Variants in CNTN1 observed in about 807,000 individuals in gnomAD.
CNTN1 encodes contactin-1.
A neutral mutation model predicts 126.4 loss-of-function variants in CNTN1; 38 were observed. The observed-to-expected ratio is 0.30, with a 90% CI of 0.23 to 0.39. The LOEUF (loss-of-function observed/expected upper bound fraction) is 0.39, where lower values mean the gene tolerates loss of function less well. Ranked by LOEUF, CNTN1 falls within the 10% of genes least tolerant of loss-of-function variation. CNTN1 has a pLI of 1.00. For missense variants in CNTN1, 1,009 were observed against 1,248.4 expected (o/e 0.81, Z 2.89); for synonymous variants, 413 against 422.6 (o/e 0.98, Z 0.28).
chr12:40,773,720 T>C lies in CNTN1; in HGVS notation c.-77+81128T>C, dbSNP rs145796053. Among the ~76,000 whole-genome samples the C allele has an allele frequency of 8.9e-4, 123 of 138,960 alleles. 1 individual carries two copies. The East Asian group carries it at 0.019, about 22-fold the overall frequency. 91.2% of individuals were successfully genotyped at this position (138,960 alleles called of 152,430 possible). Reference sequence around the variant, plus strand: ...ACATATATATATATATATATACACATATATATATATATGTTGCTATTCTAA... The same window carrying C: ...ACATATATATATATATATATACACACATATATATATATGTTGCTATTCTAA... On this transcript the variant is annotated intron_variant, in intron 1 of 23. Transcript: ENST00000551295.
At chr12:40,852,311 TTTC>T (rs1344667068) in intron 1 of CNTN1, among the ~76,000 whole-genome samples, 1 of 152,224 alleles carries the variant, frequency 6.6e-6, no homozygotes, top group Admixed American at 6.5e-5. Context: ...GAAAGCCATT[TTTC>T]TTCTTATTTT....
chr12:40,953,391 G>A (rs985101195), intron 14 of CNTN1, among the ~76,000 whole-genome samples: 1 of 152,078 alleles, frequency 6.6e-6, no homozygotes, highest in Admixed American at 6.6e-5. Flanking sequence ...TGCTTTGTAA[G>A]CGTTCTGCCA....
At chr12:41,061,613 A>G in intron 23 of CNTN1, 2 of 310,698 alleles carry the variant, frequency 6.4e-6, no homozygotes, top group South Asian at 5.4e-5. Flanking sequence ...TGATTAGCAT[A>G]AATAAGGGAA....
At chr12:40,950,100 GTGTGTGTGT>G (rs1566019876) in intron 14 of CNTN1, among the ~76,000 whole-genome samples, 12 of 7,614 alleles carry the variant, frequency 1.6e-3, no homozygotes, top group African/African-American at 4.1e-3. Context: ...TTGAGAGGGT[GTGTGTGTGT>G]GTGTGTGTGT....
chr12:40,913,404 T>G (rs983730572), intron 3 of CNTN1, among the ~76,000 whole-genome samples: 2 of 152,166 alleles, frequency 1.3e-5, no homozygotes, highest in South Asian at 2.1e-4. Context: ...CTTACACCAC[T>G]CCCCACCCAA....
intron 1 of CNTN1, among the ~76,000 whole-genome samples, chr12:40,872,349 ATATCAAG>A (rs1030437595): frequency 8.6e-5 from 13 of 151,962 alleles, no homozygotes; most frequent in African/African-American, 3.1e-4. Flanking sequence ...TAACAAATCA[ATATCAAG>A]TATCAAAATC....
intron 23 of CNTN1, among the ~76,000 whole-genome samples, chr12:41,064,129 G>A (rs1041787475): frequency 2.0e-5 from 3 of 150,274 alleles, no homozygotes; most frequent in African/African-American, 7.4e-5. Flanking sequence ...AGCCGAGATC[G>A]CGCCACTGCA....
intron 3 of CNTN1, among the ~76,000 whole-genome samples, chr12:40,913,392 A>C (rs1235990090): frequency 1.3e-5 from 2 of 152,144 alleles, no homozygotes; most frequent in Admixed American, 6.5e-5. Flanking sequence ...GTTTCAAGAG[A>C]GCTTACACCA....
chr12:40,807,037 A>G (rs1189836140), intron 1 of CNTN1, among the ~76,000 whole-genome samples: 1 of 152,132 alleles, frequency 6.6e-6, no homozygotes, highest in African/African-American at 2.4e-5. Flanking sequence ...CAGCCACACT[A>G]TACCAAGCAC....
At chr12:40,954,997 A>G (rs947275805) in intron 14 of CNTN1, among the ~76,000 whole-genome samples, 1 of 152,030 alleles carries the variant, frequency 6.6e-6, no homozygotes, top group Non-Finnish European at 1.5e-5. Context: ...AGGTTGACTG[A>G]TACCACATGA....
intron 1 of CNTN1, among the ~76,000 whole-genome samples, chr12:40,767,673 G>C (rs1170036187): frequency 6.6e-6 from 1 of 151,024 alleles, no homozygotes; most frequent in Non-Finnish European, 1.5e-5. Flanking sequence ...TTGCTCTGTC[G>C]CCCAGGCTGG....
At chr12:40,922,902 C>T (rs763905940) in intron 5 of CNTN1, among the ~76,000 whole-genome samples, 2 of 141,788 alleles carry the variant, frequency 1.4e-5, no homozygotes, top group Non-Finnish European at 3.0e-5. Flanking sequence ...ACCTGGGAGG[C>T]GGAGGTTGCA....
intron 23 of CNTN1, among the ~76,000 whole-genome samples, chr12:41,044,492 AT>A (rs777974582): frequency 2.6e-5 from 4 of 152,164 alleles, no homozygotes; most frequent in Non-Finnish European, 4.4e-5. Flanking sequence ...CATTAATGAC[AT>A]AAAAATTGTA....
intron 1 of CNTN1, among the ~76,000 whole-genome samples, chr12:40,727,444 A>T (rs945433542): frequency 3.4e-5 from 5 of 146,588 alleles, no homozygotes; most frequent in African/African-American, 1.2e-4. Context: ...ATCACAGATT[A>T]AAAAAAAAAA....
intron 23 of CNTN1, among the ~76,000 whole-genome samples, chr12:41,068,705 T>C (rs1310561056): frequency 1.3e-5 from 2 of 152,234 alleles, no homozygotes; most frequent in Non-Finnish European, 2.9e-5. Flanking sequence ...ATGTGATAGA[T>C]AATAATAATT....
rs778073699 is a variant in CNTN1 at position 41,069,969 on chromosome 12, C to T, written c.2991C>T (p.Thr997=). Residue 997 remains threonine, a synonymous_variant, in exon 24 of 24, where the codon ACC becomes ACT. Coordinates refer to ENST00000551295, the MANE Select transcript of CNTN1 (RefSeq NM_001843.4). ...TGGTTTACCTTGCAGGTGCACCCAC[C>T]CTATCCCCAAGTCTTCTCGGCTTAC... ...VSQVKISGAP[T]LSPSLLGLLL... 6.2e-7 allele frequency: 1 copy of T among 1,613,840 alleles called. No homozygotes were observed. The highest frequency in any genetic ancestry group is 1.7e-5 in the Admixed American group (1 of 60,008).
intron 1 of CNTN1, among the ~76,000 whole-genome samples, chr12:40,875,956 CCT>C (rs1156808962): frequency 1.3e-5 from 2 of 151,884 alleles, no homozygotes; most frequent in Non-Finnish European, 2.9e-5. Flanking sequence ...CTGGCCAACA[CCT>C]CTCTCTTTGA....
intron 3 of CNTN1, among the ~76,000 whole-genome samples, chr12:40,911,142 G>A (rs1945011925): frequency 6.6e-6 from 1 of 151,834 alleles, no homozygotes; most frequent in African/African-American, 2.4e-5. Flanking sequence ...GTGCAGCGGC[G>A]CGATCTCGGC....
chr12:40,746,251 A>C (rs1174123802), intron 1 of CNTN1, among the ~76,000 whole-genome samples: 2 of 152,154 alleles, frequency 1.3e-5, no homozygotes, highest in African/African-American at 4.8e-5. Flanking sequence ...TTAAGGTATC[A>C]AAATCTGCTT....
Sources: gnomAD v4.1 joint callset for allele counts (sites outside exome capture counted in the v4.1 genomes callset) on GRCh38, gnomAD v4.1.1 for gene constraint, MANE v1.5 for transcripts, NCBI Gene and HGNC (gene_info 2026-07-23, HGNC 2026-07-21) for gene names.